The following PRSS38 variants were observed in gnomAD, a reference collection of about 807,000 sequenced individuals.
PRSS38 encodes serine protease 38.
Under a neutral mutation model 26.8 loss-of-function variants are expected in PRSS38, and 22 were observed. The ratio of observed to expected loss-of-function variants is 0.82; its 90% CI spans 0.59 to 1.17. PRSS38 has a LOEUF of 1.17. Ranked by LOEUF, PRSS38 falls within the 50% of genes most tolerant of loss-of-function variation. The pLI is 0.00. For missense variants in PRSS38, 427 were observed against 422.7 expected (o/e 1.01, Z -0.09); for synonymous variants, 175 against 172.1 (o/e 1.02, Z -0.13).
At chr1:227,839,278 A>G (rs980658263) in intron 3 of PRSS38, among the ~76,000 whole-genome samples, 1 of 152,088 alleles carries the variant, frequency 6.6e-6, no homozygotes, top group Non-Finnish European at 1.5e-5. Flanking sequence ...TGGACAACAT[A>G]GTGAGACCCC....
In PRSS38 at chr1:227,846,066, G is replaced by A. The variant is rs561834664; in HGVS notation, c.839G>A (p.Ser280Asn). The change falls in exon 5 of 5, where the codon AGT becomes AAT. Residue 280 changes from serine to asparagine, a missense_variant. Physicochemically the swap from Ser to Asn is conservative, Grantham distance 46. Coordinates refer to ENST00000366757, the Ensembl canonical transcript of PRSS38. ...CCTCTGTACCCTGGAGTGTATGCCA[G>A]TGTTTCCTATTTCTCAAAATGGATA... 5.0e-6 allele frequency: 8 copies of A among 1,614,238 alleles called. No homozygotes were observed. In the South Asian group the frequency reaches 7.7e-5, roughly 16 times the overall value.
At position 227,824,494 on chromosome 1, in the gene PRSS38, T is replaced by C. The variant is rs190056355; in HGVS notation, c.583+7014T>C. ...TTGATGGGTATCTAGCTTGATTCCA[T>C]GTCTTTGCTATTGTGAATAGTGCTG... On this transcript the variant is annotated intron_variant, in intron 3 of 4. Transcript: ENST00000366757. Among the ~76,000 whole-genome samples the C allele has an allele frequency of 5.6e-3, 854 of 152,328 alleles. 10 individuals carry two copies. The highest frequency in any genetic ancestry group is 0.02 in the African/African-American group (827 of 41,572).
intron 3 of PRSS38, among the ~76,000 whole-genome samples, chr1:227,821,980 T>A (rs1163432511): frequency 2.0e-5 from 3 of 152,180 alleles, no homozygotes; most frequent in African/African-American, 4.8e-5. Flanking sequence ...GTTCATTTGA[T>A]GGTGTCCCAG....
At chr1:227,833,864 T>G (rs1028438040) in intron 3 of PRSS38, among the ~76,000 whole-genome samples, 1 of 152,228 alleles carries the variant, frequency 6.6e-6, no homozygotes, top group Non-Finnish European at 1.5e-5. Flanking sequence ...ATAAAACTGT[T>G]GTTGGTTGAA....
rs148519460 is a variant in PRSS38 at position 227,840,405 on chromosome 1, G to A, written c.584-5065G>A. The stretch of plus-strand genomic sequence containing the variant: ...CCCAAAATGCTGGGGTTACAGGTGA[G>A]CCAGTGTACCCAGCCTACACTTTTA... On this transcript the variant is annotated intron_variant, in intron 3 of 4. Transcript: ENST00000366757. Among the ~76,000 whole-genome samples the A allele has an allele frequency of 7.0e-3, 1,072 of 152,238 alleles. 10 individuals are homozygous for A. Among genetic ancestry groups the A allele is most frequent in the African/African-American group, 0.021 (890 of 41,560 alleles).
At chr1:227,817,056 G>A (rs1239594109) in intron 2 of PRSS38, among the ~76,000 whole-genome samples, 153 bp from the exon 3 acceptor site, 1 of 152,176 alleles carries the variant, frequency 6.6e-6, no homozygotes, top group Non-Finnish European at 1.5e-5. Context: ...AACTCTTCCA[G>A]ACAGCCAGAT....
chr1:227,829,169 C>T (rs887489958), intron 3 of PRSS38, among the ~76,000 whole-genome samples: 2 of 152,216 alleles, frequency 1.3e-5, no homozygotes, highest in Admixed American at 6.5e-5. Context: ...TCACTTACCA[C>T]TTTCATTCCT....
Position 227,837,429 on chromosome 1 carries a change from CCTT to C in PRSS38, c.584-8037_584-8035del, listed in dbSNP as rs372799294. On this transcript the variant is annotated intron_variant, in intron 3 of 4. Coordinates refer to ENST00000366757, the Ensembl canonical transcript of PRSS38. ...TGTTGTTTCCATATCAGCTGCTCATCCTTCTTTTCCTGTTGTGAGTTCTTTCAG... is the reference window on the plus strand; with the variant it reads ...TGTTGTTTCCATATCAGCTGCTCATCCTTTTCCTGTTGTGAGTTCTTTCAG... Among the ~76,000 whole-genome samples, 882 of 152,302 alleles carry C rather than the reference CCTT, an allele frequency of 5.8e-3. 10 individuals carry two copies. The highest frequency in any genetic ancestry group is 0.021 in the African/African-American group (853 of 41,562).
intron 4 of PRSS38, 75 bp downstream of exon 4, chr1:227,845,687 G>A: frequency 6.6e-7 from 1 of 1,522,246 alleles, no homozygotes; most frequent in Non-Finnish European, 9.0e-7. Flanking sequence ...CCCCACTCTG[G>A]CCTCCCACTG....
chr1:227,839,957 A>G (rs1665294177), intron 3 of PRSS38, among the ~76,000 whole-genome samples: 1 of 152,086 alleles, frequency 6.6e-6, no homozygotes, highest in African/African-American at 2.4e-5. Context: ...TTATCTTGAG[A>G]ATATTTTGCT....
At chr1:227,840,575 T>G (rs1171042444) in intron 3 of PRSS38, among the ~76,000 whole-genome samples, 3 of 152,206 alleles carry the variant, frequency 2.0e-5, no homozygotes, top group African/African-American at 7.2e-5. Context: ...CTATTTCCAT[T>G]CCACAACAGG....
At chr1:227,838,435 T>C (rs1415159510) in intron 3 of PRSS38, among the ~76,000 whole-genome samples, 1 of 152,204 alleles carries the variant, frequency 6.6e-6, no homozygotes, top group Non-Finnish European at 1.5e-5. Context: ...TGTAGTCTAG[T>C]GGTCAGAGCC....
At chr1:227,845,539 A>G (rs1665415024) in exon 4 of PRSS38, 1 of 1,613,616 alleles carries the variant, frequency 6.2e-7, no homozygotes, top group African/African-American at 1.3e-5. Flanking sequence ...CACCTGCTCT[A>G]CGGACACATG....
At position 227,844,662 on chromosome 1, in the gene PRSS38, TCCTC is replaced by T. The variant is rs1227688139; in HGVS notation, c.584-804_584-801del. ...GGGCTCCTCCTTATGTGTGGTGGGG[TCCTC>T]CCTATGTGTGGTCAGGGCTTTTCCC... On this transcript the variant is annotated intron_variant, in intron 3 of 4. Coordinates refer to ENST00000366757, the Ensembl canonical transcript of PRSS38. Among the ~76,000 whole-genome samples, 11 of 121,850 alleles carry T rather than the reference TCCTC, an allele frequency of 9.0e-5. 2 individuals are homozygous for T. The highest frequency in any genetic ancestry group is 3.5e-4 in the African/African-American group (11 of 31,284). 79.9% of individuals were successfully genotyped at this position (121,850 alleles called of 152,430 possible).
chr1:227,816,169 C>T lies in PRSS38; in HGVS notation c.228C>T (p.Ser76=), dbSNP rs540885637. The T allele has an allele frequency of 1.5e-5, 24 of 1,613,624 alleles. No homozygotes were observed. The highest frequency in any genetic ancestry group is 9.3e-5 in the African/African-American group (7 of 75,036). ...AGAGGAAGTGGCCGTGGCAGGTCAG[C>T]GTGCACTACGCAGGCCTCCACGTCT... Residue 76 remains serine (S), a synonymous_variant, in exon 2 of 5, where the codon AGC becomes AGT. Transcript: ENST00000366757. This position sits in a 1 kb window ranked among gnomAD's most constrained non-coding sequence, Gnocchi z 5.1.
chr1:227,823,395 C>G (rs77479481), intron 3 of PRSS38, among the ~76,000 whole-genome samples: 2,749 of 151,842 alleles, frequency 0.018, 90 homozygotes, highest in African/African-American at 0.063. Flanking sequence ...TTGATGGGCA[C>G]TTGGTTTGGT....
chr1:227,845,551 C>T (rs2102687995), exon 4 of PRSS38: 1 of 1,613,762 alleles, frequency 6.2e-7, no homozygotes, highest in Non-Finnish European at 8.5e-7. Context: ...GGACACATGT[C>T]CTACATCATG....
At chr1:227,841,642 A>G (rs1216509321) in intron 3 of PRSS38, among the ~76,000 whole-genome samples, 1 of 152,066 alleles carries the variant, frequency 6.6e-6, no homozygotes, top group African/African-American at 2.4e-5. Flanking sequence ...CCTTGACCAC[A>G]TTTTTCACTA....
In PRSS38 at chr1:227,820,491, G is replaced by A. The variant is rs1009103862; in HGVS notation, c.583+3011G>A. On this transcript the variant is annotated intron_variant, in intron 3 of 4. Transcript: ENST00000366757. ...GAAGTTTTTCTACATCAATTGAGATGATCCTATGTTGTCTTTTTTCGTTTA... is the reference window on the plus strand; with the variant it reads ...GAAGTTTTTCTACATCAATTGAGATAATCCTATGTTGTCTTTTTTCGTTTA... Among the ~76,000 whole-genome samples the A allele has an allele frequency of 2.0e-5, 3 of 152,114 alleles. No homozygotes were observed. In the East Asian group the frequency reaches 5.8e-4, roughly 29 times the overall value.
Sources: allele counts gnomAD v4.1 joint callset (sites outside exome capture counted in the v4.1 genomes callset), GRCh38; gene constraint gnomAD v4.1.1; non-coding constraint Gnocchi (gnomAD v3.1); transcripts MANE v1.5; gene names NCBI Gene and HGNC (gene_info 2026-07-23, HGNC 2026-07-21).